Variants in TMEM53 observed in about 807,000 individuals in gnomAD.
TMEM53 encodes novel DUF829 domain-containing protein.
A neutral mutation model predicts 21.4 loss-of-function variants in TMEM53; 14 were observed. That is an observed-to-expected ratio of 0.65 (90% confidence interval 0.43 to 1.02). The LOEUF is 1.02. TMEM53 is among the 50% of genes least tolerant of loss of function. The pLI is 0.00. For synonymous variants in TMEM53, 148 were observed against 157.4 expected, an observed-to-expected ratio of 0.94 and a Z score of 0.45; for missense variants, 323 against 383.6, an observed-to-expected ratio of 0.84 and a Z score of 1.32.
At position 44,655,990 on chromosome 1, in the gene TMEM53, G is replaced by T. The variant is rs1468580207; in HGVS notation, c.184-781C>A. On this transcript the variant is annotated intron_variant, in intron 2 of 2. Coordinates refer to ENST00000372237, the MANE Select transcript of TMEM53 (RefSeq NM_024587.4). This position sits in a 1 kb window ranked among gnomAD's most constrained non-coding sequence, Gnocchi z 4.4. ...TATATTCCTCACGCTTGGGCCAAGG[G>T]TGCCACAATCTCCACACAGGTCCCC... Among the ~76,000 whole-genome samples, 1 of 152,112 alleles carries T rather than the reference G, an allele frequency of 6.6e-6. No homozygotes were observed. The highest frequency in any genetic ancestry group is 1.5e-5 in the Non-Finnish European group (1 of 68,018).
chr1:44,672,427 C>G (rs772165824), intron 1 of TMEM53, among the ~76,000 whole-genome samples: 1 of 152,216 alleles, frequency 6.6e-6, no homozygotes, highest in Non-Finnish European at 1.5e-5. Flanking sequence ...GCTCCTTGGG[C>G]GTGTGAGTCA....
In TMEM53 at chr1:44,655,025, A is replaced by T; in HGVS notation, c.368T>A (p.Val123Glu). The T allele has an allele frequency of 6.2e-7, 1 of 1,614,130 alleles. No homozygotes were observed. Among genetic ancestry groups the T allele is most frequent in the Non-Finnish European group, 8.5e-7 (1 of 1,179,972 alleles). Reference sequence around the variant, plus strand: ...GCGACGGGTCTGCAGGAGCTCCAGCACGTAGCGGTACAGCATGACGCCACC... The same window carrying T: ...GCGACGGGTCTGCAGGAGCTCCAGCTCGTAGCGGTACAGCATGACGCCACC... ...SNGGVMLYRY[V>E]LELLQTRRFC... Residue 123 changes from valine to glutamate, a missense_variant, in exon 3 of 3, where the codon GTG becomes GAG. This residue lies in a region of TMEM53 where 269 missense variants were observed against 334.5 expected (regional missense o/e 0.80). Transcript: ENST00000372237. The surrounding 1 kb of genome is among the most constrained non-coding windows in gnomAD (Gnocchi z 4.4).
chr1:44,660,800 C>CA (rs1644894552), intron 1 of TMEM53, among the ~76,000 whole-genome samples: 1 of 146,738 alleles, frequency 6.8e-6, no homozygotes, highest in African/African-American at 2.5e-5. Flanking sequence ...CTGGCTAAGA[C>CA]AAAAAAATAC....
Position 44,655,228 on chromosome 1 carries a change from T to C in TMEM53, c.184-19A>G. The C allele has an allele frequency of 6.3e-7, 1 of 1,577,952 alleles. No homozygotes were observed. Among genetic ancestry groups the C allele is most frequent in the South Asian group, 1.2e-5 (1 of 84,432 alleles). ...TGCAGCCCTGGGGAGAGAGGCCTGG[T>C]CAGTCCTCACAGATGAGGTGGGGGT... On this transcript the variant is annotated intron_variant, in intron 2 of 2. Coordinates refer to ENST00000372237, the MANE Select transcript of TMEM53 (RefSeq NM_024587.4). The surrounding 1 kb of genome is among the most constrained non-coding windows in gnomAD (Gnocchi z 4.4).
At chr1:44,667,723 T>C (rs540421049) in intron 1 of TMEM53, among the ~76,000 whole-genome samples, 1 of 152,290 alleles carries the variant, frequency 6.6e-6, no homozygotes, top group South Asian at 2.1e-4. Context: ...AATCAGTATG[T>C]ATAACTTCTG....
chr1:44,658,972 T>G (rs1415300738), intron 2 of TMEM53, among the ~76,000 whole-genome samples: 1 of 152,184 alleles, frequency 6.6e-6, no homozygotes, highest in Non-Finnish European at 1.5e-5. Context: ...CCAGCCATAC[T>G]TGACTATTCC....
chr1:44,664,475 A>G (rs1467412116), intron 1 of TMEM53, among the ~76,000 whole-genome samples: 3 of 151,976 alleles, frequency 2.0e-5, no homozygotes, highest in East Asian at 3.9e-4. Flanking sequence ...AAAAATTGCA[A>G]TACTCTTATG....
chr1:44,658,412 C>G (rs72671962), intron 2 of TMEM53, among the ~76,000 whole-genome samples: 1 of 152,086 alleles, frequency 6.6e-6, no homozygotes, highest in African/African-American at 2.4e-5. Context: ...ACAAACTCCT[C>G]AATCCATCAC....
intron 2 of TMEM53, among the ~76,000 whole-genome samples, chr1:44,659,930 G>A (rs1283775430): frequency 7.3e-6 from 1 of 136,312 alleles, no homozygotes; most frequent in East Asian, 2.1e-4. Context: ...CACAATCTCT[G>A]CTCATGCAAC....
At chr1:44,665,454 T>A (rs1229921014) in intron 1 of TMEM53, among the ~76,000 whole-genome samples, 1 of 152,042 alleles carries the variant, frequency 6.6e-6, no homozygotes. Flanking sequence ...CTGACCAACA[T>A]GGTGAAACCC....
chr1:44,668,364 C>G (rs1270303678), intron 1 of TMEM53, among the ~76,000 whole-genome samples: 1 of 151,860 alleles, frequency 6.6e-6, no homozygotes, highest in Non-Finnish European at 1.5e-5. Flanking sequence ...TGGCGTGAAC[C>G]CAGAGCTGAG....
rs60408442 is a variant in TMEM53 at position 44,665,635 on chromosome 1, C to CAAA, written c.62-5343_62-5341dup. Among the ~76,000 whole-genome samples the CAAA allele has an allele frequency of 6.6e-3, 506 of 77,102 alleles. 5 individuals carry two copies. Among genetic ancestry groups the CAAA allele is most frequent in the African/African-American group, 0.023 (484 of 20,896 alleles). 50.6% of individuals were successfully genotyped at this position (77,102 alleles called of 152,430 possible). On this transcript the variant is annotated intron_variant, in intron 1 of 2. Coordinates refer to ENST00000372237, the MANE Select transcript of TMEM53 (RefSeq NM_024587.4). ...GGGCAACAAGAGCGAAACTCCATCT[C>CAAA]AAAAAAAAAAAAAAAACATGCAATC...
intron 1 of TMEM53, among the ~76,000 whole-genome samples, chr1:44,662,787 C>A (rs545569335): frequency 6.6e-6 from 1 of 152,140 alleles, no homozygotes; most frequent in South Asian, 2.1e-4. Context: ...CATCCCCTGG[C>A]AGCCACGGGA....
At chr1:44,674,113 G>C in intron 1 of TMEM53, 1 of 985,450 alleles carries the variant, frequency 1.0e-6, no homozygotes, top group African/African-American at 1.7e-5. Flanking sequence ...CAGCTGACTC[G>C]GGCAGAGGCG....
In TMEM53 at chr1:44,655,112, A is replaced by G. The variant is rs1437264031; in HGVS notation, c.281T>C (p.Leu94Pro). The change falls in exon 3 of 3, where the codon CTC becomes CCC. Residue 94 changes from leucine (L) to proline (P), a missense_variant. Coordinates refer to ENST00000372237, the MANE Select transcript of TMEM53 (RefSeq NM_024587.4). The surrounding 1 kb of genome is among the most constrained non-coding windows in gnomAD (Gnocchi z 4.4). ...AATCTCATAATCAAAGAGCAGCTCG[A>G]GCAGCTTCTGGGCCAAAACACGAAG... ...PSLRVLAQKL[L>P]ELLFDYEIEK... The G allele has an allele frequency of 6.2e-7, 1 of 1,614,216 alleles. No homozygotes were observed. The highest frequency in any genetic ancestry group is 1.1e-5 in the South Asian group (1 of 91,088).
In TMEM53 at chr1:44,654,559, T is replaced by G. The variant is rs1317114241; in HGVS notation, c.834A>C (p.Ter278CysextTer12). 6.2e-7 allele frequency: 1 copy of G among 1,601,628 alleles called. No homozygotes were observed. The highest frequency in any genetic ancestry group is 8.5e-7 in the Non-Finnish European group (1 of 1,170,376). Residue 278 changes from the stop codon to cysteine, a stop_lost, in exon 3 of 3, where the codon TGA (stop) becomes TGC (cysteine). Transcript: ENST00000372237. The surrounding 1 kb of genome is among the most constrained non-coding windows in gnomAD (Gnocchi z 7.0). ...VDFMRNCVRC[*>C] Reference sequence around the variant, plus strand: ...GCAGAGGTGAGATGGAGCAATGGCCTCAGCAGCGGACGCAGTTGCGCATGA... The same window carrying G: ...GCAGAGGTGAGATGGAGCAATGGCCGCAGCAGCGGACGCAGTTGCGCATGA...
chr1:44,663,020 T>A (rs185047168), intron 1 of TMEM53, among the ~76,000 whole-genome samples: 1 of 152,318 alleles, frequency 6.6e-6, no homozygotes, highest in East Asian at 1.9e-4. Context: ...GACTGCCTAC[T>A]CCCATAGCCC....
intron 1 of TMEM53, among the ~76,000 whole-genome samples, chr1:44,664,125 C>T (rs1278657808): frequency 6.8e-6 from 1 of 147,900 alleles, no homozygotes; most frequent in Non-Finnish European, 1.5e-5. Context: ...GTACTCCAGC[C>T]TGGGTGACAG....
In TMEM53 at chr1:44,655,031, C is replaced by T. The variant is rs747329416; in HGVS notation, c.362G>A (p.Arg121His). 77 of 1,613,960 alleles carry T rather than the reference C, an allele frequency of 4.8e-5. No individual in the cohort carries two copies. The highest frequency in any genetic ancestry group is 6.4e-5 in the Non-Finnish European group (75 of 1,179,974). ...GGTCTGCAGGAGCTCCAGCACGTAGCGGTACAGCATGACGCCACCGTTGCT... is the reference window on the plus strand; with the variant it reads ...GGTCTGCAGGAGCTCCAGCACGTAGTGGTACAGCATGACGCCACCGTTGCT... ...VFSNGGVMLY[R>H]YVLELLQTRR... Residue 121 changes from arginine (R) to histidine (H), a missense_variant, in exon 3 of 3, where the codon CGC becomes CAC. Around this residue, in one of 3 missense-constraint regions of TMEM53, gnomAD observed 269 missense variants for 334.5 expected, o/e 0.80. Coordinates refer to ENST00000372237, the MANE Select transcript of TMEM53 (RefSeq NM_024587.4). The surrounding 1 kb of genome is among the most constrained non-coding windows in gnomAD (Gnocchi z 4.4).
Sources: gnomAD v4.1 joint callset for allele counts (sites outside exome capture counted in the v4.1 genomes callset) on GRCh38, gnomAD v4.1.1 for gene constraint, gnomAD v4.1.1 regional missense constraint, Gnocchi (gnomAD v3.1) non-coding constraint, MANE v1.5 for transcripts, NCBI Gene and HGNC (gene_info 2026-07-23, HGNC 2026-07-21) for gene names.